The following SMIM10L2A variants were observed in gnomAD, a reference collection of about 807,000 sequenced individuals.
SMIM10L2A encodes the protein small integral membrane protein 10-like protein 2A.
Under a neutral mutation model 3.0 loss-of-function variants are expected in SMIM10L2A, and 2 were observed. That is an observed-to-expected ratio of 0.66 (90% CI 0.27 to 2.08). The LOEUF is 2.08. SMIM10L2A is among the 30% of genes most tolerant of loss of function. The pLI is 0.14. For missense variants in SMIM10L2A, 59 were observed against 66.5 expected, an observed-to-expected ratio of 0.89 and a Z score of 0.39; for synonymous variants, 29 against 34.8, an observed-to-expected ratio of 0.83 and a Z score of 0.58.
In SMIM10L2A at chrX:135,427,576, G is replaced by A. The variant is rs942776982; in HGVS notation, c.*4306G>A. The A allele has an allele frequency of 2.7e-5, 3 of 112,449 alleles. No individual in the cohort carries two copies. Among genetic ancestry groups the A allele is most frequent in the Non-Finnish European group, 5.6e-5 (3 of 53,242 alleles). 9.3% of individuals were successfully genotyped at this position (112,449 alleles called of 1,213,427 possible). On this transcript the variant is annotated 3_prime_UTR_variant, in exon 2 of 2. Coordinates refer to ENST00000417443, the MANE Select transcript of SMIM10L2A (RefSeq NM_203306.3). ...ACTCCTACCCACCCCACTCCCAAGGGAAATTGCTGGGTTTTGGACGAATTT... is the reference window on the plus strand; with the variant it reads ...ACTCCTACCCACCCCACTCCCAAGGAAAATTGCTGGGTTTTGGACGAATTT...
Position 135,422,227 on chromosome X carries a change from G to A in SMIM10L2A, c.96G>A (p.Ser32=), listed in dbSNP as rs1354576815. 9 of 1,074,144 alleles carry A rather than the reference G, an allele frequency of 8.4e-6. No individual in the cohort carries two copies. Among genetic ancestry groups the A allele is most frequent in the East Asian group, 4.0e-5 (1 of 25,199 alleles). The allele number at this position is 1,074,144 out of a possible 1,213,427, so 88.5% of individuals were successfully genotyped here. A position where few individuals can be genotyped will look rare whatever the true frequency, so the allele number is the denominator to read the frequency against. Residue 32 remains serine (S), a synonymous_variant, in exon 1 of 2, where the codon TCG becomes TCA. Transcript: ENST00000417443. ...CGCGCTCAGCTGCGGCCCGAGGCTC[G>A]TACGGCGCCTTCTGCAAGGGGCTCA... ...RLSRSAAARG[S]YGAFCKGLTR... is the part of the protein sequence containing the mutation.
At position 135,422,579 on chromosome X, in the gene SMIM10L2A, G is replaced by T. The variant is rs1556470455; in HGVS notation, c.*211G>T. 1.8e-5 allele frequency: 4 copies of T among 225,152 alleles called. No homozygotes were observed. Among genetic ancestry groups the T allele is most frequent in the Non-Finnish European group, 2.4e-5 (3 of 124,601 alleles). The allele number at this position is 225,152 out of a possible 1,213,427, so 18.6% of individuals were successfully genotyped here. On this transcript the variant is annotated 3_prime_UTR_variant, in exon 1 of 2. Coordinates refer to ENST00000417443, the MANE Select transcript of SMIM10L2A (RefSeq NM_203306.3). ...GGTCTCAGCCCGGGGGCCCTGGATCGCGCAGAAACGCACTGAATGGGCCCC... is the reference window on the plus strand; with the variant it reads ...GGTCTCAGCCCGGGGGCCCTGGATCTCGCAGAAACGCACTGAATGGGCCCC...
At position 135,426,179 on chromosome X, in the gene SMIM10L2A, G is replaced by A. The variant is rs1300805181; in HGVS notation, c.*2909G>A. 9.0e-6 allele frequency: 1 copy of A among 111,716 alleles called. No homozygotes were observed. Among genetic ancestry groups the A allele is most frequent in the Non-Finnish European group, 1.9e-5 (1 of 53,132 alleles). 9.2% of individuals were successfully genotyped at this position (111,716 alleles called of 1,213,427 possible). ...AGCACTGAGACTCCTCTCCCTGCCT[G>A]AGGCCACCTCCCACTGCCTCCCTAC... On this transcript the variant is annotated 3_prime_UTR_variant, in exon 2 of 2. Transcript: ENST00000417443.
At position 135,426,997 on chromosome X, in the gene SMIM10L2A, T is replaced by C. The variant is rs781845284; in HGVS notation, c.*3727T>C. 24 of 113,234 alleles carry C rather than the reference T, an allele frequency of 2.1e-4. No homozygotes were observed. Among genetic ancestry groups the C allele is most frequent in the Non-Finnish European group, 3.9e-4 (21 of 53,400 alleles). 9.3% of individuals were successfully genotyped at this position (113,234 alleles called of 1,213,427 possible). On this transcript the variant is annotated 3_prime_UTR_variant, in exon 2 of 2. Coordinates refer to ENST00000417443, the MANE Select transcript of SMIM10L2A (RefSeq NM_203306.3). ...TCAGGTCTCACCTGGAGCAGCCTTG[T>C]TACTGTGGGGAAAAGGAACCAAGTG...
chrX:135,422,155 T>A lies in SMIM10L2A; in HGVS notation c.24T>A (p.Ser8=). 1 of 707,475 alleles carries A rather than the reference T, an allele frequency of 1.4e-6. No individual in the cohort carries two copies. The highest frequency in any genetic ancestry group is 1.9e-6 in the Non-Finnish European group (1 of 515,751). 58.3% of individuals were successfully genotyped at this position (707,475 alleles called of 1,213,427 possible). The change falls in exon 1 of 2, where the codon TCT becomes TCA. Residue 8 remains serine (S), a synonymous_variant. Transcript: ENST00000417443. MAASAAL[S]AAAAAAALSG... ...CCATGGCGGCGTCGGCGGCTCTGTC[T>A]GCAGCGGCGGCTGCGGCGGCCCTGT...
rs1351766269 is a variant in SMIM10L2A at position 135,424,934 on chromosome X, AC to A, written c.*1667del. On this transcript the variant is annotated 3_prime_UTR_variant, in exon 2 of 2. Coordinates refer to ENST00000417443, the MANE Select transcript of SMIM10L2A (RefSeq NM_203306.3). ...CCTCTCATCCACCCCAACCCTATCC[AC>A]CCTGGACCACCTCTGGGGGTCTGTC... is the stretch of plus-strand genomic sequence containing the variant. 2 of 109,947 alleles carry A rather than the reference AC, an allele frequency of 1.8e-5. No individual in the cohort carries two copies. Among genetic ancestry groups the A allele is most frequent in the African/African-American group, 3.3e-5 (1 of 30,054 alleles). 9.1% of individuals were successfully genotyped at this position (109,947 alleles called of 1,213,427 possible).
At position 135,423,698 on chromosome X, in the gene SMIM10L2A, A is replaced by G. The variant is rs1202369271; in HGVS notation, c.*428A>G. On this transcript the variant is annotated 3_prime_UTR_variant, in exon 2 of 2. Transcript: ENST00000417443. ...CTTGCCAAGAGTCACATCCCTGCCC[A>G]GGGGCACCTCTGGCCCTGGAACTTG... 1.8e-5 allele frequency: 2 copies of G among 113,771 alleles called. No individual in the cohort carries two copies. The highest frequency in any genetic ancestry group is 5.6e-4 in the East Asian group (2 of 3,575). 9.4% of individuals were successfully genotyped at this position (113,771 alleles called of 1,213,427 possible).
chrX:135,427,155 A>C lies in SMIM10L2A; in HGVS notation c.*3885A>C, dbSNP rs1314732995. 3.5e-5 allele frequency: 4 copies of C among 112,768 alleles called. No homozygotes were observed. Among genetic ancestry groups the C allele is most frequent in the African/African-American group, 1.3e-4 (4 of 31,010 alleles). 9.3% of individuals were successfully genotyped at this position (112,768 alleles called of 1,213,427 possible). A position where few individuals can be genotyped will look rare whatever the true frequency, so the allele number is the denominator to read the frequency against. On this transcript the variant is annotated 3_prime_UTR_variant, in exon 2 of 2. Transcript: ENST00000417443. The stretch of plus-strand genomic sequence containing the variant: ...TTTTACAGAGAAACCAAAGACAGGA[A>C]CCAAGTCTGAAACAGAGCCCCAAGA...
intron 1 of SMIM10L2A, 112 bp downstream of exon 1, chrX:135,422,842 A>G (rs2085137147): frequency 8.9e-6 from 1 of 112,586 alleles, no homozygotes; most frequent in African/African-American, 3.2e-5. Flanking sequence ...AACCAGCCAG[A>G]AGAGCTGTGG....
chrX:135,422,795 T>C (rs1205931833), intron 1 of SMIM10L2A, 65 bp downstream of exon 1: 4 of 113,438 alleles, frequency 3.5e-5, no homozygotes, highest in African/African-American at 6.5e-5. Flanking sequence ...TCAGGGCGTG[T>C]TGGCGGTCAG....
rs1236740057 is a variant in SMIM10L2A, at chrX:135,422,605, T to C, written c.*237T>C. The stretch of plus-strand genomic sequence containing the variant: ...CGCAGAAACGCACTGAATGGGCCCC[T>C]GCCATCGGGCTCCAGAAACTACCTG... On this transcript the variant is annotated 3_prime_UTR_variant, in exon 1 of 2. Coordinates refer to ENST00000417443, the MANE Select transcript of SMIM10L2A (RefSeq NM_203306.3). The C allele has an allele frequency of 4.8e-5, 10 of 207,577 alleles. No individual in the cohort carries two copies. Among genetic ancestry groups the C allele is most frequent in the Non-Finnish European group, 8.8e-5 (10 of 113,389 alleles). 17.1% of individuals were successfully genotyped at this position (207,577 alleles called of 1,213,427 possible).
At chrX:135,422,933 C>T (rs2085137408) in intron 1 of SMIM10L2A, among the ~76,000 whole-genome samples, 1 of 112,144 alleles carries the variant, frequency 8.9e-6, no homozygotes, top group Non-Finnish European at 1.9e-5. Context: ...TGAGGGGCGG[C>T]CCCCTCCCGC....
In SMIM10L2A at chrX:135,425,608, C is replaced by G. The variant is rs2085149553; in HGVS notation, c.*2338C>G. ...TCTAGGCGGTGGAGCTAGACACTGA[C>G]CGGAATGACATACTTTTCTGTGTGT... On this transcript the variant is annotated 3_prime_UTR_variant, in exon 2 of 2. Coordinates refer to ENST00000417443, the MANE Select transcript of SMIM10L2A (RefSeq NM_203306.3). The G allele has an allele frequency of 8.9e-6, 1 of 112,526 alleles. No individual in the cohort carries two copies. Among genetic ancestry groups the G allele is most frequent in the African/African-American group, 3.2e-5 (1 of 30,890 alleles). 9.3% of individuals were successfully genotyped at this position (112,526 alleles called of 1,213,427 possible). A position where few individuals can be genotyped will look rare whatever the true frequency, so the allele number is the denominator to read the frequency against.
rs1210909329 is a variant in SMIM10L2A at position 135,422,111 on chromosome X, G to A, written c.-21G>A. 2 of 377,407 alleles carry A rather than the reference G, an allele frequency of 5.3e-6. 1 individual carries two copies. Among genetic ancestry groups the A allele is most frequent in the African/African-American group, 5.3e-5 (2 of 37,782 alleles). The allele number at this position is 377,407 out of a possible 1,213,427, so 31.1% of individuals were successfully genotyped here. A position where few individuals can be genotyped will look rare whatever the true frequency, so the allele number is the denominator to read the frequency against. On this transcript the variant is annotated 5_prime_UTR_variant, in exon 1 of 2. Transcript: ENST00000417443. Reference sequence around the variant, plus strand: ...TCGAGCGGGTCAGTCGGTCGGCGGGGCCTGCGCGGGGCCCGGGCCCATGGC... The same window carrying A: ...TCGAGCGGGTCAGTCGGTCGGCGGGACCTGCGCGGGGCCCGGGCCCATGGC...
Position 135,425,401 on chromosome X carries a change from C to G in SMIM10L2A, c.*2131C>G, listed in dbSNP as rs1304959571. Reference sequence around the variant, plus strand: ...GGCCGTATTGGCCTAGAGGGGCTGACTGGGGAGGGTCAGGGCCAAGCCCTC... The same window carrying G: ...GGCCGTATTGGCCTAGAGGGGCTGAGTGGGGAGGGTCAGGGCCAAGCCCTC... On this transcript the variant is annotated 3_prime_UTR_variant, in exon 2 of 2. Coordinates refer to ENST00000417443, the MANE Select transcript of SMIM10L2A (RefSeq NM_203306.3). 8.9e-6 allele frequency: 1 copy of G among 112,108 alleles called. No homozygotes were observed. Among genetic ancestry groups the G allele is most frequent in the African/African-American group, 3.3e-5 (1 of 30,758 alleles). The allele number at this position is 112,108 out of a possible 1,213,427, so 9.2% of individuals were successfully genotyped here.
At position 135,425,930 on chromosome X, in the gene SMIM10L2A, A is replaced by T. The variant is rs1556471553; in HGVS notation, c.*2660A>T. 9.0e-6 allele frequency: 1 copy of T among 111,455 alleles called. No homozygotes were observed. The highest frequency in any genetic ancestry group is 1.9e-5 in the Non-Finnish European group (1 of 53,003). 9.2% of individuals were successfully genotyped at this position (111,455 alleles called of 1,213,427 possible). Reference sequence around the variant, plus strand: ...TTCCTGTTCAGAGGCTGTGCTGAGAACCGACTTGACCTGGACCACTGCCCC... The same window carrying T: ...TTCCTGTTCAGAGGCTGTGCTGAGATCCGACTTGACCTGGACCACTGCCCC... On this transcript the variant is annotated 3_prime_UTR_variant, in exon 2 of 2. Coordinates refer to ENST00000417443, the MANE Select transcript of SMIM10L2A (RefSeq NM_203306.3).
In SMIM10L2A at chrX:135,427,782, C is replaced by A. The variant is rs1305813863; in HGVS notation, c.*4512C>A. The stretch of plus-strand genomic sequence containing the variant: ...CCCCCAGTGCCCTTTGGTTGTTTTT[C>A]TTTGTTGTCATTTATTTTGGTGGGG... On this transcript the variant is annotated 3_prime_UTR_variant, in exon 2 of 2. Coordinates refer to ENST00000417443, the MANE Select transcript of SMIM10L2A (RefSeq NM_203306.3). 8.9e-6 allele frequency: 1 copy of A among 111,990 alleles called. No individual in the cohort carries two copies. Among genetic ancestry groups the A allele is most frequent in the Non-Finnish European group, 1.9e-5 (1 of 53,173 alleles). 9.2% of individuals were successfully genotyped at this position (111,990 alleles called of 1,213,427 possible). A position where few individuals can be genotyped will look rare whatever the true frequency, so the allele number is the denominator to read the frequency against.
Position 135,422,269 on chromosome X carries a change from CT to C in SMIM10L2A, c.140del (p.Phe47SerfsTer10). The C allele has an allele frequency of 9.2e-7, 1 of 1,086,021 alleles. No individual in the cohort carries two copies. The highest frequency in any genetic ancestry group is 1.2e-6 in the Non-Finnish European group (1 of 824,732). The allele number at this position is 1,086,021 out of a possible 1,213,427, so 89.5% of individuals were successfully genotyped here. A position where few individuals can be genotyped will look rare whatever the true frequency, so the allele number is the denominator to read the frequency against. On this transcript the variant is annotated frameshift_variant, in exon 1 of 2. Coordinates refer to ENST00000417443, the MANE Select transcript of SMIM10L2A (RefSeq NM_203306.3). LOFTEE classifies it high-confidence loss of function. ...CKGLTRTLLT[F>X]FDLAWRLRMN... Reference sequence around the variant, plus strand: ...AGGGGCTCACGCGCACGCTGCTCACCTTCTTCGACCTGGCCTGGCGGCTGCG... The same window carrying C: ...AGGGGCTCACGCGCACGCTGCTCACCTCTTCGACCTGGCCTGGCGGCTGCG...
rs2085149830 is a variant in SMIM10L2A, at chrX:135,425,678, C to G, written c.*2408C>G. On this transcript the variant is annotated 3_prime_UTR_variant, in exon 2 of 2. Coordinates refer to ENST00000417443, the MANE Select transcript of SMIM10L2A (RefSeq NM_203306.3). Reference sequence around the variant, plus strand: ...AGCACAGGCTGGCCAGAGAGCTGTTCTTGTTTCTGGTGTTGTCACGTCTTC... The same window carrying G: ...AGCACAGGCTGGCCAGAGAGCTGTTGTTGTTTCTGGTGTTGTCACGTCTTC... The G allele has an allele frequency of 8.9e-6, 1 of 112,543 alleles. No individual in the cohort carries two copies. Among genetic ancestry groups the G allele is most frequent in the Non-Finnish European group, 1.9e-5 (1 of 53,309 alleles). 9.3% of individuals were successfully genotyped at this position (112,543 alleles called of 1,213,427 possible). A position where few individuals can be genotyped will look rare whatever the true frequency, so the allele number is the denominator to read the frequency against.
Sources: allele counts gnomAD v4.1 joint callset (sites outside exome capture counted in the v4.1 genomes callset), GRCh38; gene constraint gnomAD v4.1.1; transcripts MANE v1.5; gene names NCBI Gene and HGNC (gene_info 2026-07-23, HGNC 2026-07-21).